The following ZNF83 variants were observed in gnomAD, a reference collection of about 807,000 sequenced individuals.
The protein encoded by ZNF83 is zinc finger protein 816B.
For synonymous variants in ZNF83, 209 were observed against 213.0 expected (o/e 0.98, Z 0.17); for missense variants, 552 against 629.9 (o/e 0.88, Z 1.32).
chr19:52,688,623 C>T (rs2062088123), intron 1 of ZNF83, among the ~76,000 whole-genome samples: 1 of 151,992 alleles, frequency 6.6e-6, no homozygotes, highest in African/African-American at 2.4e-5. Context: ...CCCTTCTTCA[C>T]TCTATTCCTT....
At chr19:52,682,057 A>G (rs2061931095) in intron 1 of ZNF83, among the ~76,000 whole-genome samples, 1 of 152,112 alleles carries the variant, frequency 6.6e-6, no homozygotes, top group South Asian at 2.1e-4. Context: ...CATCTTGGCC[A>G]GGCTGGTATT....
In ZNF83 at chr19:52,668,402, C is replaced by T. The variant is rs540763219; in HGVS notation, c.-282-7559G>A. Reference sequence around the variant, plus strand: ...CTTAGTCTATCTATCTTTTCCTTTCCTTTCCTTTCCCAGTGCTTATATCCA... The same window carrying T: ...CTTAGTCTATCTATCTTTTCCTTTCTTTTCCTTTCCCAGTGCTTATATCCA... On this transcript the variant is annotated intron_variant, in intron 1 of 5. Transcript: ENST00000594682. 1.8e-3 allele frequency among the ~76,000 whole-genome samples: 278 copies of T among 152,248 alleles called. 1 individual carries two copies. Among genetic ancestry groups the T allele is most frequent in the African/African-American group, 6.6e-3 (273 of 41,554 alleles).
At chr19:52,672,789 G>A (rs1195177157) in intron 1 of ZNF83, among the ~76,000 whole-genome samples, 6 of 151,994 alleles carry the variant, frequency 3.9e-5, no homozygotes, top group Admixed American at 2.6e-4. Context: ...TAGTAGAGAC[G>A]GGGTTTCACC....
At chr19:52,654,514 C>A (rs545404386) in intron 3 of ZNF83, 31 of 472,132 alleles carry the variant, frequency 6.6e-5, no homozygotes, top group African/African-American at 5.5e-4. Flanking sequence ...TTAAAATTCC[C>A]AAATATGATC....
chr19:52,629,368 T>A (rs1384383030), intron 2 of ZNF83, among the ~76,000 whole-genome samples: 2 of 152,126 alleles, frequency 1.3e-5, no homozygotes, highest in African/African-American at 4.8e-5. Context: ...GCCTGTTCCC[T>A]CAGTCCCAAC....
chr19:52,683,024 C>A (rs1180991985), intron 1 of ZNF83, among the ~76,000 whole-genome samples: 1 of 152,084 alleles, frequency 6.6e-6, no homozygotes, highest in Non-Finnish European at 1.5e-5. Flanking sequence ...GCATGTGCCA[C>A]CACACCCAGC....
intron 2 of ZNF83, among the ~76,000 whole-genome samples, chr19:52,624,639 C>T (rs571034309): frequency 7.2e-5 from 11 of 152,152 alleles, no homozygotes; most frequent in African/African-American, 1.9e-4. Flanking sequence ...TACACACAGC[C>T]GAAGTGCAGG....
chr19:52,688,146 T>C (rs186967276), intron 1 of ZNF83, among the ~76,000 whole-genome samples: 48 of 152,206 alleles, frequency 3.2e-4, no homozygotes, highest in Non-Finnish European at 5.0e-4. Context: ...TAAACTCACC[T>C]ACTCATCTGA....
At chr19:52,648,724 A>T (rs934971365) in intron 3 of ZNF83, among the ~76,000 whole-genome samples, 7 of 152,160 alleles carry the variant, frequency 4.6e-5, no homozygotes, top group Non-Finnish European at 8.8e-5. Context: ...GCAGCTCAAG[A>T]CAAGTAGACA....
intron 1 of ZNF83, among the ~76,000 whole-genome samples, chr19:52,686,236 A>G (rs2062012828): frequency 6.6e-6 from 1 of 152,106 alleles, no homozygotes; most frequent in African/African-American, 2.4e-5. Context: ...TCTGAACTGG[A>G]TGCAACTAAT....
At chr19:52,650,296 G>T (rs2061426804) in intron 3 of ZNF83, 2 of 148,284 alleles carry the variant, frequency 1.3e-5, no homozygotes, top group Admixed American at 6.8e-5. Context: ...TGTTCTTGTT[G>T]CCCAGGATGG....
intron 3 of ZNF83, among the ~76,000 whole-genome samples, chr19:52,649,934 C>G (rs1689247461): frequency 6.6e-6 from 1 of 152,106 alleles, no homozygotes; most frequent in African/African-American, 2.4e-5. Context: ...AGAGGCCAAG[C>G]TTAAGCCTCC....
At chr19:52,627,293 T>C (rs879628523) in intron 2 of ZNF83, among the ~76,000 whole-genome samples, 3 of 152,090 alleles carry the variant, frequency 2.0e-5, no homozygotes, top group Non-Finnish European at 2.9e-5. Flanking sequence ...TTTGGTGGTC[T>C]CTTCACACAG....
At chr19:52,649,592 T>C (rs191607190) in intron 3 of ZNF83, among the ~76,000 whole-genome samples, 373 of 152,268 alleles carry the variant, frequency 2.4e-3, no homozygotes, top group Non-Finnish European at 4.1e-3. Context: ...GTCAGTGCCC[T>C]GTGCTCAGAA....
At chr19:52,689,411 TCC>T (rs1568590477) in intron 1 of ZNF83, among the ~76,000 whole-genome samples, 18,543 of 149,382 alleles carry the variant, frequency 0.12, 1,424 homozygotes, top group African/African-American at 0.23. Flanking sequence ...TCTCTAGCAC[TCC>T]AGATCCCCAG....
At chr19:52,621,758 CTGT>C (rs2060556969) in intron 2 of ZNF83, among the ~76,000 whole-genome samples, 1 of 152,182 alleles carries the variant, frequency 6.6e-6, no homozygotes, top group African/African-American at 2.4e-5. Flanking sequence ...TCCTGCAACA[CTGT>C]TTGGCCCCAA....
At chr19:52,666,440 G>A in intron 1 of ZNF83, among the ~76,000 whole-genome samples, 1 of 151,998 alleles carries the variant, frequency 6.6e-6, no homozygotes, top group Non-Finnish European at 1.5e-5. Context: ...TGAAAGCACT[G>A]AGGCCACTGA....
chr19:52,668,939 G>A (rs913569996), intron 1 of ZNF83, among the ~76,000 whole-genome samples: 1 of 152,114 alleles, frequency 6.6e-6, no homozygotes, highest in African/African-American at 2.4e-5. Context: ...GCCCTCCAGG[G>A]CCATCCAGCT....
intron 2 of ZNF83, among the ~76,000 whole-genome samples, chr19:52,622,852 T>C (rs545642341): frequency 3.0e-4 from 45 of 152,362 alleles, no homozygotes; most frequent in South Asian, 2.3e-3. Flanking sequence ...ACCTTCAAAG[T>C]GTGCAATAAT....
Sources: allele counts gnomAD v4.1 joint callset (sites outside exome capture counted in the v4.1 genomes callset), GRCh38; gene constraint gnomAD v4.1.1; transcripts MANE v1.5; gene names NCBI Gene and HGNC (gene_info 2026-07-23, HGNC 2026-07-21).